Variants in PAPPA2 observed in about 807,000 individuals in gnomAD.
The protein encoded by PAPPA2 is pappalysin 2.
In PAPPA2, 86 loss-of-function variants were observed where a neutral mutation model predicts 176.4. That is an observed-to-expected ratio of 0.49 (90% CI 0.41 to 0.58). The LOEUF (loss-of-function observed/expected upper bound fraction) is 0.58. Ranked by LOEUF, PAPPA2 falls within the 20% of genes least tolerant of loss-of-function variation. PAPPA2 has a pLI of 0.00. For missense variants in PAPPA2, 2,073 were observed against 2,256.9 expected (o/e 0.92, Z 1.65); for synonymous variants, 809 against 852.2 (o/e 0.95, Z 0.88).
intron 20 of PAPPA2, among the ~76,000 whole-genome samples, chr1:176,795,297 C>T (rs760724014): frequency 6.6e-6 from 1 of 152,152 alleles, no homozygotes; most frequent in Non-Finnish European, 1.5e-5. Flanking sequence ...TCCTTCACCC[C>T]CGGTATCTCC....
intron 1 of PAPPA2, among the ~76,000 whole-genome samples, chr1:176,495,246 G>T (rs1327517481): frequency 6.6e-6 from 1 of 152,018 alleles, no homozygotes. Flanking sequence ...TATAAATCAG[G>T]AAACTATAAA....
chr1:176,734,221 A>G (rs749966758), intron 12 of PAPPA2, among the ~76,000 whole-genome samples: 9 of 152,144 alleles, frequency 5.9e-5, no homozygotes, highest in African/African-American at 1.2e-4. Flanking sequence ...CTAAAATCAC[A>G]GTTTGAGGAC....
intron 3 of PAPPA2, among the ~76,000 whole-genome samples, chr1:176,625,652 T>G (rs750682883): frequency 2.6e-5 from 4 of 152,224 alleles, no homozygotes; most frequent in Non-Finnish European, 5.9e-5. Context: ...CTGAAAAGTA[T>G]AGTACATCAA....
chr1:176,683,245 CCACACAACAATTCTCTTAT>C (rs1363223634), intron 4 of PAPPA2, among the ~76,000 whole-genome samples: 1 of 152,010 alleles, frequency 6.6e-6, no homozygotes, highest in Non-Finnish European at 1.5e-5. Context: ...ATCCCCTAGA[CCACACAACAATTCTCTTAT>C]TGTTTTGGCT....
rs533111010 is a variant in PAPPA2, at chr1:176,831,265, C to T, written c.5203-8908C>T. Among the ~76,000 whole-genome samples, 11 of 152,168 alleles carry T rather than the reference C, an allele frequency of 7.2e-5. No individual in the cohort carries two copies. The East Asian group carries it at 2.1e-3, about 30-fold the overall frequency. ...GAGGGAAGAGATAGGGCAAAAGGTA[C>T]CCAACACCTTACCATCAGCAAGGCC... On this transcript the variant is annotated intron_variant, in intron 21 of 22. Transcript: ENST00000367662.
intron 2 of PAPPA2, among the ~76,000 whole-genome samples, chr1:176,559,058 G>A (rs1047158181): frequency 6.6e-6 from 1 of 152,028 alleles, no homozygotes; most frequent in Non-Finnish European, 1.5e-5. Context: ...ATTTCTTGTG[G>A]CACCTCCCCC....
intron 17 of PAPPA2, among the ~76,000 whole-genome samples, chr1:176,777,999 C>G (rs1664534679): frequency 6.6e-6 from 1 of 151,478 alleles, no homozygotes; most frequent in Non-Finnish European, 1.5e-5. Flanking sequence ...CCACTGTCTC[C>G]CATCTGTTGT....
chr1:176,770,233 G>A (rs973523124), intron 16 of PAPPA2, among the ~76,000 whole-genome samples: 10 of 152,180 alleles, frequency 6.6e-5, no homozygotes, highest in Non-Finnish European at 2.9e-5. Context: ...TCAGACTTTG[G>A]TGTGCCTAAC....
chr1:176,752,854 G>A (rs1376657392), intron 14 of PAPPA2, among the ~76,000 whole-genome samples: 1 of 152,210 alleles, frequency 6.6e-6, no homozygotes, highest in African/African-American at 2.4e-5. Flanking sequence ...GTGTGCTAGT[G>A]ACACGAAAGA....
At chr1:176,584,088 A>G (rs537587889) in intron 2 of PAPPA2, among the ~76,000 whole-genome samples, 191 of 152,338 alleles carry the variant, frequency 1.3e-3, no homozygotes, top group Admixed American at 2.2e-3. Flanking sequence ...ATGTTTTGCC[A>G]ATACTGGAGA....
chr1:176,706,636 A>G (rs1478439017), intron 10 of PAPPA2, among the ~76,000 whole-genome samples, 186 bp downstream of exon 10: 2 of 152,186 alleles, frequency 1.3e-5, no homozygotes, highest in East Asian at 1.9e-4. Flanking sequence ...TAACTGGGGA[A>G]GACAAAGTGA....
chr1:176,508,851 A>G (rs534580432), intron 1 of PAPPA2, among the ~76,000 whole-genome samples: 11 of 151,976 alleles, frequency 7.2e-5, no homozygotes, highest in Non-Finnish European at 1.5e-4. Context: ...TTGCTTCCCC[A>G]TCATCTTCTG....
intron 9 of PAPPA2, among the ~76,000 whole-genome samples, chr1:176,705,244 A>G (rs1276807552): frequency 6.6e-6 from 1 of 152,130 alleles, no homozygotes; most frequent in East Asian, 1.9e-4. Context: ...AGTTTCCTTA[A>G]TTTCTTCAAT....
intron 3 of PAPPA2, among the ~76,000 whole-genome samples, chr1:176,634,201 C>A (rs1030889097): frequency 2.0e-5 from 3 of 152,102 alleles, no homozygotes; most frequent in Non-Finnish European, 4.4e-5. Flanking sequence ...CCCAAATGCC[C>A]AAAAATGATA....
chr1:176,595,407 G>A lies in PAPPA2; in HGVS notation c.1803G>A (p.Glu601=). ...IGNDHCDPEC[E]HPLTGYDGGD... ...ATGACCATTGTGACCCCGAGTGTGA[G>A]CACCCACTCACAGGCTATGATGGGG... is the stretch of plus-strand genomic sequence containing the variant. Residue 601 remains glutamate, a synonymous_variant, in exon 3 of 23, where the codon GAG becomes GAA. Coordinates refer to ENST00000367662, the MANE Select transcript of PAPPA2 (RefSeq NM_020318.3). The A allele has an allele frequency of 6.2e-7, 1 of 1,614,192 alleles. No homozygotes were observed. The highest frequency in any genetic ancestry group is 1.1e-5 in the South Asian group (1 of 91,084).
chr1:176,563,217 T>C (rs1273160664), intron 2 of PAPPA2, among the ~76,000 whole-genome samples: 1 of 151,882 alleles, frequency 6.6e-6, no homozygotes, highest in East Asian at 1.9e-4. Context: ...GAAACTGGAG[T>C]CTCTTTGTGG....
intron 14 of PAPPA2, among the ~76,000 whole-genome samples, chr1:176,740,937 T>C (rs1168901380): frequency 6.6e-6 from 1 of 152,112 alleles, no homozygotes; most frequent in Non-Finnish European, 1.5e-5. Context: ...TACTAGGTGA[T>C]TATGATCCTA....
intron 21 of PAPPA2, among the ~76,000 whole-genome samples, chr1:176,818,492 G>A (rs959313152): frequency 6.6e-6 from 1 of 152,130 alleles, no homozygotes; most frequent in African/African-American, 2.4e-5. Flanking sequence ...AATCCTTGAT[G>A]TCATCTTAAT....
At chr1:176,786,945 G>A (rs759700299) in intron 17 of PAPPA2, among the ~76,000 whole-genome samples, 1 of 152,076 alleles carries the variant, frequency 6.6e-6, no homozygotes, top group Non-Finnish European at 1.5e-5. Context: ...GGAAGAGGAG[G>A]GTGAGGATGG....
Sources: gnomAD v4.1 joint callset for allele counts (sites outside exome capture counted in the v4.1 genomes callset) on GRCh38, gnomAD v4.1.1 for gene constraint, MANE v1.5 for transcripts, NCBI Gene and HGNC (gene_info 2026-07-23, HGNC 2026-07-21) for gene names.